Variants in PHACTR2 observed in about 807,000 individuals in gnomAD.
PHACTR2 encodes phosphatase and actin regulator 2.
Under a neutral mutation model 76.0 loss-of-function variants are expected in PHACTR2, and 30 were observed. The ratio of observed to expected loss-of-function variants is 0.39; its 90% CI spans 0.30 to 0.54. The LOEUF is 0.54. Ranked by LOEUF, PHACTR2 falls within the 20% of genes least tolerant of loss-of-function variation. The pLI is 0.61. For synonymous variants in PHACTR2, 292 were observed against 292.5 expected (o/e 1.00, Z 0.02); for missense variants, 696 against 781.1 (o/e 0.89, Z 1.30).
intron 12 of PHACTR2, among the ~76,000 whole-genome samples, chr6:143,813,040 G>T (rs1582906207): frequency 6.6e-6 from 1 of 152,306 alleles, no homozygotes; most frequent in East Asian, 1.9e-4. Context: ...TCCCAACAGA[G>T]AAAGTGTTAA....
intron 1 of PHACTR2, among the ~76,000 whole-genome samples, chr6:143,690,699 C>T (rs1463732841): frequency 1.3e-5 from 2 of 152,136 alleles, no homozygotes; most frequent in Non-Finnish European, 2.9e-5. Context: ...AAAAGACTTT[C>T]TTGGGTGATG....
rs985161765 is a variant in PHACTR2, at chr6:143,697,857, G to C, written c.47-14159G>C. On this transcript the variant is annotated intron_variant, in intron 1 of 12. Transcript: ENST00000440869. The surrounding 1 kb of genome is among the most constrained non-coding windows in gnomAD (Gnocchi z 4.4). ...TAAGTACAGTATAGGGGCACCACCA[G>C]GAATAAAATCAACTTGCTCCCTGTC... is the stretch of plus-strand genomic sequence containing the variant. Among the ~76,000 whole-genome samples, 1 of 152,080 alleles carries C rather than the reference G, an allele frequency of 6.6e-6. No homozygotes were observed. Among genetic ancestry groups the C allele is most frequent in the African/African-American group, 2.4e-5 (1 of 41,402 alleles).
rs1289926729 is a variant in PHACTR2 at position 143,599,725 on chromosome 6, C to T, written c.217+62518C>T. 6.6e-6 allele frequency among the ~76,000 whole-genome samples: 1 copy of T among 152,180 alleles called. No individual in the cohort carries two copies. Among genetic ancestry groups the T allele is most frequent in the East Asian group, 1.9e-4 (1 of 5,192 alleles). Reference sequence around the variant, plus strand: ...ACAGCTCATTAAGATCCAACCTATACCTTTCCCCCTTTCTATGCTGTATTA... The same window carrying T: ...ACAGCTCATTAAGATCCAACCTATATCTTTCCCCCTTTCTATGCTGTATTA... On this transcript the variant is annotated intron_variant, in intron 1 of 11. Transcript: ENST00000367584. This position sits in a 1 kb window ranked among gnomAD's most constrained non-coding sequence, Gnocchi z 4.6.
At position 143,558,780 on chromosome 6, in the gene PHACTR2, G is replaced by A. The variant is rs965400148; in HGVS notation, c.217+21573G>A. 2.0e-5 allele frequency among the ~76,000 whole-genome samples: 3 copies of A among 152,152 alleles called. No individual in the cohort carries two copies. The highest frequency in any genetic ancestry group is 6.5e-5 in the Admixed American group (1 of 15,280). ...CCAACTGGCCTTTGAGTACAGGTACGTTAGGATTTGTAGACCTCTGAGGAG... is the reference window on the plus strand; with the variant it reads ...CCAACTGGCCTTTGAGTACAGGTACATTAGGATTTGTAGACCTCTGAGGAG... On this transcript the variant is annotated intron_variant, in intron 1 of 11. Coordinates refer to the PHACTR2 transcript ENST00000367584. This position sits in a 1 kb window ranked among gnomAD's most constrained non-coding sequence, Gnocchi z 4.7.
rs555928083 is a variant in PHACTR2 at position 143,709,299 on chromosome 6, G to A, written c.47-2717G>A. Reference sequence around the variant, plus strand: ...CTCCAATTTTCCCTAGCAATGCACAGTGTCTGCCCATCTCTGCCCAGATAG... The same window carrying A: ...CTCCAATTTTCCCTAGCAATGCACAATGTCTGCCCATCTCTGCCCAGATAG... On this transcript the variant is annotated intron_variant, in intron 1 of 12. Coordinates refer to ENST00000440869, the MANE Select transcript of PHACTR2 (RefSeq NM_001100164.2). The surrounding 1 kb of genome is among the most constrained non-coding windows in gnomAD (Gnocchi z 4.4). Among the ~76,000 whole-genome samples, 1 of 152,204 alleles carries A rather than the reference G, an allele frequency of 6.6e-6. No individual in the cohort carries two copies. The highest frequency in any genetic ancestry group is 1.5e-5 in the Non-Finnish European group (1 of 68,040).
chr6:143,564,191 G>A (rs1219298763), intron 1 of PHACTR2, among the ~76,000 whole-genome samples: 5,627 of 57,820 alleles, frequency 0.097, 344 homozygotes, highest in Non-Finnish European at 0.14. Flanking sequence ...GTATGTGTGT[G>A]TGTGCATATA....
At chr6:143,728,200 CTTTT>C (rs769598990) in intron 2 of PHACTR2, among the ~76,000 whole-genome samples, 2 of 131,400 alleles carry the variant, frequency 1.5e-5, no homozygotes, top group Non-Finnish European at 3.2e-5. Flanking sequence ...TCTTTCTTTC[CTTTT>C]TTTTTTTCTT....
chr6:143,706,489 A>C (rs930884993), intron 1 of PHACTR2, among the ~76,000 whole-genome samples: 2 of 152,288 alleles, frequency 1.3e-5, no homozygotes, highest in East Asian at 3.9e-4. Context: ...GGCTGCATGG[A>C]TCATTCTAGC....
At chr6:143,799,335 A>G (rs945094526) in intron 11 of PHACTR2, among the ~76,000 whole-genome samples, 1 of 152,212 alleles carries the variant, frequency 6.6e-6, no homozygotes, top group African/African-American at 2.4e-5. Context: ...TCAAAAAGCC[A>G]GTTCCTGGAT....
In PHACTR2 at chr6:143,787,033, A is replaced by G. The variant is rs556520484; in HGVS notation, c.1708-1740A>G. ...TTAAGTTACCATCTGTAGACAATCA[A>G]TCACCCCCTCCTTATTGCCCTGGGC... On this transcript the variant is annotated intron_variant, in intron 10 of 12. Transcript: ENST00000440869. The surrounding 1 kb of genome is among the most constrained non-coding windows in gnomAD (Gnocchi z 4.6). Among the ~76,000 whole-genome samples the G allele has an allele frequency of 3.9e-5, 6 of 151,938 alleles. No homozygotes were observed. The highest frequency in any genetic ancestry group is 2.1e-4 in the South Asian group (1 of 4,778).
rs1020155333 is a variant in PHACTR2, at chr6:143,750,105, G to T, written c.295+1040G>T. ...TTTCCAGCATCTGAATAATTCCAGA[G>T]TGGAGCTGAGAAATGCTTTCCTGTT... On this transcript the variant is annotated intron_variant, in intron 3 of 12. Transcript: ENST00000440869. This position sits in a 1 kb window ranked among gnomAD's most constrained non-coding sequence, Gnocchi z 4.6. 6.6e-6 allele frequency among the ~76,000 whole-genome samples: 1 copy of T among 152,148 alleles called. No homozygotes were observed. Among genetic ancestry groups the T allele is most frequent in the Non-Finnish European group, 1.5e-5 (1 of 68,022 alleles).
intron 2 of PHACTR2, among the ~76,000 whole-genome samples, chr6:143,744,083 T>A (rs1288926281): frequency 1.3e-5 from 2 of 152,246 alleles, no homozygotes; most frequent in Non-Finnish European, 2.9e-5. Context: ...TACACCCTGC[T>A]AGGTGCTGGT....
At chr6:143,612,229 G>C (rs985723788) in intron 1 of PHACTR2, among the ~76,000 whole-genome samples, 1 of 152,140 alleles carries the variant, frequency 6.6e-6, no homozygotes, top group Non-Finnish European at 1.5e-5. Context: ...ATGGAAATAA[G>C]ACCAGGCAAA....
Position 143,826,241 on chromosome 6 carries a change from C to A in PHACTR2, c.*2552C>A, listed in dbSNP as rs1054483889. 1 of 152,248 alleles carries A rather than the reference C, an allele frequency of 6.6e-6. No homozygotes were observed. The highest frequency in any genetic ancestry group is 1.5e-5 in the Non-Finnish European group (1 of 68,056). 9.4% of individuals were successfully genotyped at this position (152,248 alleles called of 1,614,324 possible). A position where few individuals can be genotyped will look rare whatever the true frequency, so the allele number is the denominator to read the frequency against. On this transcript the variant is annotated 3_prime_UTR_variant, in exon 13 of 13. Transcript: ENST00000440869. ...AGAGATGAGACATATCCCCACCGGC[C>A]ACCCAGCCAGAGGTCTCCTACCTGG...
chr6:143,746,312 T>A (rs971323052), intron 2 of PHACTR2, among the ~76,000 whole-genome samples: 3 of 152,176 alleles, frequency 2.0e-5, no homozygotes, highest in Admixed American at 6.5e-5. Flanking sequence ...AATCCAGGAC[T>A]CCTGGCAGCC....
chr6:143,607,414 C>G (rs547384665), upstream of PHACTR2, among the ~76,000 whole-genome samples: 14 of 152,336 alleles, frequency 9.2e-5, no homozygotes, highest in South Asian at 1.0e-3. Context: ...GTCATCTTTA[C>G]ACAGCCAAAT....
At chr6:143,540,509 T>C (rs1390362646) in intron 1 of PHACTR2, among the ~76,000 whole-genome samples, 1 of 152,168 alleles carries the variant, frequency 6.6e-6, no homozygotes, top group East Asian at 1.9e-4. Flanking sequence ...ATACTAAATA[T>C]ATATTTTTAA....
chr6:143,788,446 G>T (rs1186418277), intron 10 of PHACTR2, among the ~76,000 whole-genome samples: 10 of 152,136 alleles, frequency 6.6e-5, no homozygotes, highest in Non-Finnish European at 1.5e-5. Context: ...GGTTACTATT[G>T]TGTCTGCGCA....
At chr6:143,605,259 G>GTA (rs1775857291), upstream of PHACTR2, among the ~76,000 whole-genome samples, 1 of 152,146 alleles carries the variant, frequency 6.6e-6, no homozygotes, top group Non-Finnish European at 1.5e-5. This position sits in a 1 kb window ranked among gnomAD's most constrained non-coding sequence, Gnocchi z 5.0. Flanking sequence ...GGCAAGCTGA[G>GTA]TATATACTCA....
Sources: allele counts gnomAD v4.1 joint callset (sites outside exome capture counted in the v4.1 genomes callset), GRCh38; gene constraint gnomAD v4.1.1; non-coding constraint Gnocchi (gnomAD v3.1); transcripts MANE v1.5; gene names NCBI Gene and HGNC (gene_info 2026-07-23, HGNC 2026-07-21).